SLCO4C1: variants seen among roughly 807,000 people sequenced by gnomAD.
SLCO4C1 encodes organic anion transporter M1.
Under a neutral mutation model 72.1 loss-of-function variants are expected in SLCO4C1, and 58 were observed. The observed-to-expected ratio is 0.80, with a 90% CI of 0.65 to 1.00. The LOEUF (loss-of-function observed/expected upper bound fraction) is 1.00, where lower values mean the gene tolerates loss of function less well. SLCO4C1 is among the 50% of genes least tolerant of loss of function. The pLI, the probability that SLCO4C1 is intolerant of heterozygous loss-of-function variation, is 0.00. For missense variants in SLCO4C1, 898 were observed against 857.9 expected, an observed-to-expected ratio of 1.05 and a Z score of -0.58; for synonymous variants, 297 against 312.5, an observed-to-expected ratio of 0.95 and a Z score of 0.52.
In SLCO4C1 at chr5:102,236,597, T is replaced by TGTTC; in HGVS notation, c.*260_*261insGAAC. ...GTATGTGTGCGTGTGTGTGTGTGTG[T>TGTTC]GTGTGTTCGTGTGTGTGTGTGTGTG... On this transcript the variant is annotated 3_prime_UTR_variant, in exon 13 of 13. Transcript: ENST00000310954. 2.9e-6 allele frequency: 1 copy of TGTTC among 343,208 alleles called. No individual in the cohort carries two copies. The allele number at this position is 343,208 out of a possible 1,614,324, so 21.3% of individuals were successfully genotyped here.
intron 2 of SLCO4C1, among the ~76,000 whole-genome samples, chr5:102,287,163 CA>C (rs33950030): frequency 0.21 from 31,227 of 151,944 alleles, 4,123 homozygotes; most frequent in Non-Finnish European, 0.26. Context: ...AATTAATTTA[CA>C]GGAAGCTTTC....
chr5:102,250,295 C>T (rs1748714363), intron 8 of SLCO4C1, among the ~76,000 whole-genome samples: 1 of 152,144 alleles, frequency 6.6e-6, no homozygotes, highest in African/African-American at 2.4e-5. Flanking sequence ...GATTAAGTTA[C>T]TTTTCTTTCC....
At position 102,294,683 on chromosome 5, in the gene SLCO4C1, T is replaced by C. The variant is rs190504396; in HGVS notation, c.355+1225A>G. On this transcript the variant is annotated intron_variant, in intron 1 of 12. Transcript: ENST00000310954. ...GGAACTTTGGTAGGGACAAGAAAAG[T>C]GGACAGGGAAATAATTCTTCAACAC... Among the ~76,000 whole-genome samples, 523 of 152,180 alleles carry C rather than the reference T, an allele frequency of 3.4e-3. 2 individuals are homozygous for C. Among genetic ancestry groups the C allele is most frequent in the African/African-American group, 0.012 (502 of 41,538 alleles).
chr5:102,270,662 T>C lies in SLCO4C1; in HGVS notation c.764A>G (p.Asp255Gly), dbSNP rs1236359707. The C allele has an allele frequency of 1.2e-6, 2 of 1,612,730 alleles. No individual in the cohort carries two copies. The highest frequency in any genetic ancestry group is 1.1e-5 in the South Asian group (1 of 90,934). Residue 255 changes from aspartate to glycine, a missense_variant, in exon 3 of 13, where the codon GAT becomes GGT. Asp to Gly is a moderately conservative substitution (Grantham distance 94, BLOSUM62 -1). Coordinates refer to ENST00000310954, the MANE Select transcript of SLCO4C1 (RefSeq NM_180991.5). ...AGACTTGTGTGTGGGCACAGAATCA[T>C]CAAGAAAGGCTGTTCCCAGAGTATA... Reference protein sequence around the residue: ...PLYTLGTAFLDDSVPTHKSSL... With the variant: ...PLYTLGTAFLGDSVPTHKSSL...
At position 102,264,030 on chromosome 5, in the gene SLCO4C1, G is replaced by A. The variant is rs114059501; in HGVS notation, c.803-250C>T. Among the ~76,000 whole-genome samples, 269 of 152,186 alleles carry A rather than the reference G, an allele frequency of 1.8e-3. 2 individuals carry two copies. Among genetic ancestry groups the A allele is most frequent in the African/African-American group, 6.1e-3 (254 of 41,528 alleles). The stretch of plus-strand genomic sequence containing the variant: ...ACCAAAAATTATAAATCCATGGAAA[G>A]TGTTGTTAACTGGCAGTAGAGGTAG... On this transcript the variant is annotated intron_variant, in intron 3 of 12. Coordinates refer to ENST00000310954, the MANE Select transcript of SLCO4C1 (RefSeq NM_180991.5).
chr5:102,257,262 A>C lies in SLCO4C1; in HGVS notation c.1322T>G (p.Phe441Cys). The C allele has an allele frequency of 6.2e-7, 1 of 1,607,472 alleles. No homozygotes were observed. Among genetic ancestry groups the C allele is most frequent in the Non-Finnish European group, 8.5e-7 (1 of 1,177,540 alleles). The change falls in exon 8 of 13, where the codon TTC (phenylalanine) becomes TGC (cysteine). Residue 441 changes from phenylalanine to cysteine, a missense_variant. Physicochemically the swap from Phe to Cys is radical, Grantham distance 205 (BLOSUM62 -2). Coordinates refer to ENST00000310954, the MANE Select transcript of SLCO4C1 (RefSeq NM_180991.5). ...GAALGQILGG[F>C]LVSKFRMTCK... ...TGTCATTCTGAATTTTGAAACAAGG[A>C]AGCCACCTAAAATTTGACCGAGAGC...
intron 3 of SLCO4C1, among the ~76,000 whole-genome samples, chr5:102,265,071 C>T (rs76258452): frequency 0.038 from 5,835 of 151,942 alleles, 327 homozygotes; most frequent in African/African-American, 0.12. Flanking sequence ...TTGTGGGAAG[C>T]GCTACAATAA....
chr5:102,269,538 T>C (rs1369674252), intron 3 of SLCO4C1, among the ~76,000 whole-genome samples: 2 of 152,128 alleles, frequency 1.3e-5, no homozygotes, highest in African/African-American at 4.8e-5. Flanking sequence ...TATTTGGTTA[T>C]TTTTAATGAC....
intron 2 of SLCO4C1, among the ~76,000 whole-genome samples, chr5:102,284,538 C>T (rs1749413691): frequency 6.6e-6 from 1 of 152,126 alleles, no homozygotes; most frequent in African/African-American, 2.4e-5. Flanking sequence ...AACGGAGCCT[C>T]TTCATCAACT....
chr5:102,261,808 T>A (rs1748948806), intron 5 of SLCO4C1, 104 bp downstream of exon 5: 1 of 1,216,696 alleles, frequency 8.2e-7, no homozygotes, highest in African/African-American at 1.6e-5. Flanking sequence ...TGAGATTCTA[T>A]AAAAGAAACA....
intron 9 of SLCO4C1, among the ~76,000 whole-genome samples, chr5:102,249,107 A>C (rs1238403322): frequency 6.6e-6 from 1 of 152,208 alleles, no homozygotes; most frequent in Non-Finnish European, 1.5e-5. Context: ...TTGCCTTCAA[A>C]GATCTTAAAT....
intron 9 of SLCO4C1, among the ~76,000 whole-genome samples, chr5:102,249,193 T>C (rs1051674668): frequency 6.6e-6 from 1 of 152,096 alleles, no homozygotes; most frequent in African/African-American, 2.4e-5. Flanking sequence ...GCGGATTTTT[T>C]TTTTCAGCTA....
At chr5:102,245,624 G>A (rs1232892289) in intron 10 of SLCO4C1, among the ~76,000 whole-genome samples, 1 of 152,076 alleles carries the variant, frequency 6.6e-6, no homozygotes, top group Non-Finnish European at 1.5e-5. Context: ...GCTTTGCATT[G>A]GACAGATTTT....
Position 102,257,989 on chromosome 5 carries a change from T to A in SLCO4C1, c.1227A>T (p.Ile409=). The A allele has an allele frequency of 6.2e-7, 1 of 1,609,398 alleles. No individual in the cohort carries two copies. Among genetic ancestry groups the A allele is most frequent in the African/African-American group, 1.3e-5 (1 of 74,856 alleles). Residue 409 remains isoleucine, a synonymous_variant, in exon 7 of 13, where the codon ATA becomes ATT. Coordinates refer to ENST00000310954, the MANE Select transcript of SLCO4C1 (RefSeq NM_180991.5). ...TGGATGTCAATCCGAATTGATTTTC[T>A]ATAAATTTAGGTAAAAATGTAGCAA... ...TGFATFLPKF[I]ENQFGLTSSF...
At chr5:102,238,612 C>A (rs1348995749) in intron 12 of SLCO4C1, among the ~76,000 whole-genome samples, 1 of 152,036 alleles carries the variant, frequency 6.6e-6, no homozygotes, top group Non-Finnish European at 1.5e-5. Flanking sequence ...TACATACATT[C>A]AGGATTTCTC....
At chr5:102,290,930 A>G (rs958182368) in intron 2 of SLCO4C1, among the ~76,000 whole-genome samples, 1 of 152,198 alleles carries the variant, frequency 6.6e-6, no homozygotes, top group African/African-American at 2.4e-5. Context: ...GAAAATTTCC[A>G]CTTTTCTAAA....
intron 2 of SLCO4C1, among the ~76,000 whole-genome samples, chr5:102,278,030 CATGTAA>C (rs1749280567): frequency 1.3e-5 from 2 of 151,920 alleles, no homozygotes; most frequent in South Asian, 4.1e-4. Context: ...ATTTACATTA[CATGTAA>C]ATGGTCTGAA....
At chr5:102,279,487 T>G (rs557543461) in intron 2 of SLCO4C1, among the ~76,000 whole-genome samples, 1 of 152,120 alleles carries the variant, frequency 6.6e-6, no homozygotes, top group Non-Finnish European at 1.5e-5. Flanking sequence ...TGCAGAATTC[T>G]AACAAACATA....
intron 1 of SLCO4C1, among the ~76,000 whole-genome samples, chr5:102,292,640 GA>G (rs5870020): frequency 0.49 from 74,090 of 151,510 alleles, 19,308 homozygotes; most frequent in African/African-American, 0.67. Context: ...CAAAGTAAAA[GA>G]AAAAAACATA....
Sources: allele counts gnomAD v4.1 joint callset (sites outside exome capture counted in the v4.1 genomes callset), GRCh38; gene constraint gnomAD v4.1.1; transcripts MANE v1.5; gene names NCBI Gene and HGNC (gene_info 2026-07-23, HGNC 2026-07-21).